Variants in SLC26A11 observed in about 807,000 individuals in gnomAD.
SLC26A11 encodes solute carrier family 26 member 11, also known as sodium-independent sulfate anion transporter.
A neutral mutation model predicts 62.2 loss-of-function variants in SLC26A11; 58 were observed. The ratio of observed to expected loss-of-function variants is 0.93; its 90% CI spans 0.76 to 1.16. The LOEUF is 1.16. Ranked by LOEUF, SLC26A11 falls within the 50% of genes most tolerant of loss-of-function variation. The probability of loss-of-function intolerance (pLI) is 0.00; values close to 1 mark genes in which losing one functional copy is unlikely to be tolerated. For missense variants in SLC26A11, 790 were observed against 794.3 expected, an observed-to-expected ratio of 0.99 and a Z score of 0.06; for synonymous variants, 411 against 368.9, an observed-to-expected ratio of 1.11 and a Z score of -1.31.
intron 13 of SLC26A11, among the ~76,000 whole-genome samples, chr17:80,247,307 T>G (rs981599540): frequency 6.6e-6 from 1 of 152,124 alleles, no homozygotes; most frequent in Non-Finnish European, 1.5e-5. Context: ...CCCCTTTCTA[T>G]TCCACAAAAC....
intron 5 of SLC26A11, among the ~76,000 whole-genome samples, chr17:80,224,872 G>C (rs1307979426): frequency 6.6e-6 from 1 of 152,028 alleles, no homozygotes; most frequent in Non-Finnish European, 1.5e-5. Context: ...GCGTCCTCCT[G>C]ACAGGCCCAG....
intron 5 of SLC26A11, among the ~76,000 whole-genome samples, chr17:80,224,601 G>A (rs983837213): frequency 1.3e-5 from 2 of 152,130 alleles, no homozygotes; most frequent in African/African-American, 2.4e-5. Context: ...TGAGAGAGGA[G>A]GGACCAACTT....
intron 10 of SLC26A11, among the ~76,000 whole-genome samples, chr17:80,242,384 C>T (rs751078318): frequency 1.3e-5 from 2 of 152,216 alleles, no homozygotes; most frequent in Non-Finnish European, 2.9e-5. Context: ...TTATTGAGCA[C>T]CTGCTGTGTA....
At chr17:80,249,745 A>C (rs1246394580) in intron 16 of SLC26A11, among the ~76,000 whole-genome samples, 1 of 134,944 alleles carries the variant, frequency 7.4e-6, no homozygotes, top group Non-Finnish European at 1.7e-5. Flanking sequence ...GTCTCTACTA[A>C]AAATACAAAA....
In SLC26A11 at chr17:80,228,063, G is replaced by T. The variant is rs1598800887; in HGVS notation, c.736+103G>T. 9.4e-7 allele frequency: 1 copy of T among 1,062,842 alleles called. No homozygotes were observed. Among genetic ancestry groups the T allele is most frequent in the Non-Finnish European group, 1.4e-6 (1 of 736,054 alleles). The allele number at this position is 1,062,842 out of a possible 1,614,324, so 65.8% of individuals were successfully genotyped here. On this transcript the variant is annotated intron_variant, in intron 7 of 17. Coordinates refer to ENST00000361193, the MANE Select transcript of SLC26A11 (RefSeq NM_001166347.2). This position sits in a 1 kb window ranked among gnomAD's most constrained non-coding sequence, Gnocchi z 4.1. ...AGGGATTCTCACGTCATTGGTCTGG[G>T]TGTCACTTGAGCATTGGGACATTTA...
intron 8 of SLC26A11, 79 bp from the exon 9 acceptor site, chr17:80,237,443 G>C: frequency 7.4e-7 from 1 of 1,346,842 alleles, no homozygotes; most frequent in East Asian, 2.5e-5. Context: ...GGGCGGGGTG[G>C]GTCCTTGCTG....
In SLC26A11 at chr17:80,248,272, C is replaced by T; in HGVS notation, c.1422+15C>T. 2 of 1,603,128 alleles carry T rather than the reference C, an allele frequency of 1.2e-6. No homozygotes were observed. Among genetic ancestry groups the T allele is most frequent in the South Asian group, 2.2e-5 (2 of 90,014 alleles). On this transcript the variant is annotated intron_variant, in intron 14 of 17. Transcript: ENST00000361193. ...CTGAGACCAAGGTACCCCTCCGTGG[C>T]CTCTGAGTGGGGAGTGTGCTGGGGG...
chr17:80,239,776 C>G (rs996142231), intron 9 of SLC26A11, among the ~76,000 whole-genome samples: 1 of 152,212 alleles, frequency 6.6e-6, no homozygotes, highest in African/African-American at 2.4e-5. Flanking sequence ...TTCAAAAGTG[C>G]TAGGATTACA....
chr17:80,239,432 C>T (rs2042798325), intron 9 of SLC26A11, among the ~76,000 whole-genome samples: 1 of 150,148 alleles, frequency 6.7e-6, no homozygotes, highest in South Asian at 2.1e-4. Flanking sequence ...CTCTGTCGCC[C>T]AGGCTGGAGT....
intron 9 of SLC26A11, 39 bp downstream of exon 9, chr17:80,237,633 C>T (rs752034842): frequency 6.9e-5 from 110 of 1,587,910 alleles, no homozygotes; most frequent in Non-Finnish European, 8.4e-5. Context: ...TCTCCCAGTG[C>T]GCCGGCTGGG....
Position 80,228,930 on chromosome 17 carries a change from A to T in SLC26A11, c.736+970A>T, listed in dbSNP as rs1452963824. Among the ~76,000 whole-genome samples, 1 of 151,648 alleles carries T rather than the reference A, an allele frequency of 6.6e-6. No homozygotes were observed. Among genetic ancestry groups the T allele is most frequent in the Non-Finnish European group, 1.5e-5 (1 of 67,854 alleles). On this transcript the variant is annotated intron_variant, in intron 7 of 17. Coordinates refer to ENST00000361193, the MANE Select transcript of SLC26A11 (RefSeq NM_001166347.2). This position sits in a 1 kb window ranked among gnomAD's most constrained non-coding sequence, Gnocchi z 4.1. Reference sequence around the variant, plus strand: ...CAGGGCTGTCAGCAGGTGAAGGACCACCCTGGGGGAGGTGGAAGCCTCTTC... The same window carrying T: ...CAGGGCTGTCAGCAGGTGAAGGACCTCCCTGGGGGAGGTGGAAGCCTCTTC...
At position 80,228,113 on chromosome 17, in the gene SLC26A11, A is replaced by G. The variant is rs532380089; in HGVS notation, c.736+153A>G. Among the ~76,000 whole-genome samples, 11 of 152,120 alleles carry G rather than the reference A, an allele frequency of 7.2e-5. No homozygotes were observed. Among genetic ancestry groups the G allele is most frequent in the Admixed American group, 7.2e-4 (11 of 15,272 alleles). On this transcript the variant is annotated intron_variant, in intron 7 of 17. Coordinates refer to ENST00000361193, the MANE Select transcript of SLC26A11 (RefSeq NM_001166347.2). This position sits in a 1 kb window ranked among gnomAD's most constrained non-coding sequence, Gnocchi z 4.1. ...AAAACACCACACCAAACTCTGGGAC[A>G]TGTACTTTTTATTTAATTAATTAAT...
Position 80,248,538 on chromosome 17 carries a change from G to T in SLC26A11, c.1423-37G>T, listed in dbSNP as rs970563099. On this transcript the variant is annotated intron_variant, in intron 14 of 17. Coordinates refer to ENST00000361193, the MANE Select transcript of SLC26A11 (RefSeq NM_001166347.2). Reference sequence around the variant, plus strand: ...AGGCCAAGCCTGGTGGAGGCCACCCGGTCAGACCCGCCTCCAGGACTCACT... The same window carrying T: ...AGGCCAAGCCTGGTGGAGGCCACCCTGTCAGACCCGCCTCCAGGACTCACT... 1.9e-6 allele frequency: 3 copies of T among 1,539,512 alleles called. No homozygotes were observed. The South Asian group carries it at 3.6e-5, about 18-fold the overall frequency.
In SLC26A11 at chr17:80,237,533, C is replaced by T. The variant is rs188773399; in HGVS notation, c.924C>T (p.Ala308=). The T allele has an allele frequency of 5.5e-5, 88 of 1,610,770 alleles. No individual in the cohort carries two copies. In the Admixed American group the frequency reaches 8.4e-4, roughly 15 times the overall value. The change falls in exon 9 of 18, where the codon GCC becomes GCT. Residue 308 remains alanine (A), a synonymous_variant. Transcript: ENST00000361193. ...SFTEMVQDMG[A]GLAVVPLMGL... The stretch of plus-strand genomic sequence containing the variant: ...CTCTCCTCTCTCAGGACATGGGAGC[C>T]GGGCTGGCCGTGGTGCCCCTGATGG...
At chr17:80,234,659 C>G (rs1056651204) in intron 7 of SLC26A11, among the ~76,000 whole-genome samples, 2 of 152,110 alleles carry the variant, frequency 1.3e-5, no homozygotes, top group African/African-American at 2.4e-5. Flanking sequence ...TCAGGCACCT[C>G]GAAGGTGTTC....
intron 7 of SLC26A11, among the ~76,000 whole-genome samples, chr17:80,236,594 G>A (rs74965708): frequency 6.6e-6 from 1 of 152,160 alleles, no homozygotes; most frequent in Admixed American, 6.5e-5. Context: ...GGGTAAATCT[G>A]GTTTCTTCCT....
Position 80,221,717 on chromosome 17 carries a change from G to T in SLC26A11, c.157G>T (p.Val53Phe). Residue 53 changes from valine to phenylalanine, a missense_variant, in exon 3 of 18, where the codon GTC becomes TTC. Physicochemically the swap from Val to Phe is conservative, Grantham distance 50. Transcript: ENST00000361193. ...YSLQWLKMDFVAGLSVGLTAI... is the reference protein window; with the variant it reads ...YSLQWLKMDFFAGLSVGLTAI... ...CCTGCAGTGGCTGAAGATGGATTTC[G>T]TCGCCGGCCTCTCAGTTGGCCTCAC... 1 of 1,613,706 alleles carries T rather than the reference G, an allele frequency of 6.2e-7. No individual in the cohort carries two copies. The highest frequency in any genetic ancestry group is 8.5e-7 in the Non-Finnish European group (1 of 1,180,038).
intron 8 of SLC26A11, 108 bp downstream of exon 8, chr17:80,237,211 G>A: frequency 7.7e-7 from 1 of 1,295,474 alleles, no homozygotes. Flanking sequence ...AGGTCAGTTA[G>A]GACAGCTGAG....
chr17:80,227,981 A>G, intron 7 of SLC26A11, 21 bp downstream of exon 7: 8 of 1,595,596 alleles, frequency 5.0e-6, no homozygotes, highest in East Asian at 2.2e-5. Flanking sequence ...TCTGGCTGAC[A>G]TCTTATGCAA....
Sources: allele counts gnomAD v4.1 joint callset (sites outside exome capture counted in the v4.1 genomes callset), GRCh38; gene constraint gnomAD v4.1.1; non-coding constraint Gnocchi (gnomAD v3.1); transcripts MANE v1.5; gene names NCBI Gene and HGNC (gene_info 2026-07-23, HGNC 2026-07-21).